Variants in QDPR observed in about 807,000 individuals in gnomAD.
QDPR encodes the protein quinoid dihydropteridine reductase, also known as dihydropteridine reductase.
Under a neutral mutation model 31.7 loss-of-function variants are expected in QDPR, and 23 were observed. That is an observed-to-expected ratio of 0.73 (90% CI 0.52 to 1.03). QDPR has a LOEUF of 1.03. Ranked by LOEUF, QDPR falls within the 50% of genes least tolerant of loss-of-function variation. QDPR has a pLI of 0.00. For synonymous variants in QDPR, 124 were observed against 124.7 expected (o/e 0.99, Z 0.03); for missense variants, 324 against 323.8 (o/e 1.00, Z 0.00).
intron 4 of QDPR, among the ~76,000 whole-genome samples, chr4:17,497,080 T>C (rs946265905): frequency 6.6e-6 from 1 of 152,074 alleles, no homozygotes; most frequent in Non-Finnish European, 1.5e-5. Context: ...AGTATGTGAA[T>C]GTGACATGGG....
At chr4:17,490,227 C>G (rs1718109407) in intron 6 of QDPR, 1 of 240,976 alleles carries the variant, frequency 4.1e-6, no homozygotes, top group Admixed American at 4.7e-5. Context: ...CCCCCTCCCC[C>G]ATGGAGTCTC....
chr4:17,499,449 C>G (rs1050071440), intron 4 of QDPR, among the ~76,000 whole-genome samples: 2 of 152,176 alleles, frequency 1.3e-5, no homozygotes, highest in African/African-American at 4.8e-5. Context: ...GCCTCTGTTC[C>G]GTGTCATCTT....
rs181042084 is a variant in QDPR at position 17,510,695 on chromosome 4, T to A, written c.105+1255A>T. Among the ~76,000 whole-genome samples, 4 of 152,312 alleles carry A rather than the reference T, an allele frequency of 2.6e-5. No individual in the cohort carries two copies. The East Asian group carries it at 7.7e-4, about 29-fold the overall frequency. ...CCAGGAGAAAGCACAGCCTTCACCCTCTAACACATGACGCTAACAGGATCT... is the reference window on the plus strand; with the variant it reads ...CCAGGAGAAAGCACAGCCTTCACCCACTAACACATGACGCTAACAGGATCT... On this transcript the variant is annotated intron_variant, in intron 1 of 6. Coordinates refer to ENST00000281243, the MANE Select transcript of QDPR (RefSeq NM_000320.3).
intron 3 of QDPR, among the ~76,000 whole-genome samples, chr4:17,503,886 G>T (rs1718657106): frequency 6.6e-6 from 1 of 152,018 alleles, no homozygotes; most frequent in Admixed American, 6.6e-5. Context: ...GGGAGGCAGA[G>T]GTTGCAGTGA....
intron 4 of QDPR, among the ~76,000 whole-genome samples, chr4:17,499,076 T>C (rs1331034323): frequency 6.6e-6 from 1 of 152,236 alleles, no homozygotes; most frequent in Non-Finnish European, 1.5e-5. Flanking sequence ...CACTTACTAT[T>C]GACTCTCTGT....
chr4:17,506,713 G>C (rs527492644), intron 2 of QDPR, among the ~76,000 whole-genome samples: 2 of 152,312 alleles, frequency 1.3e-5, no homozygotes, highest in South Asian at 4.1e-4. Flanking sequence ...AACTAACAAT[G>C]ATGCCATGTC....
intron 1 of QDPR, among the ~76,000 whole-genome samples, chr4:17,511,076 G>GT (rs149915677): frequency 0.023 from 3,481 of 151,774 alleles, 62 homozygotes; most frequent in Non-Finnish European, 0.037. Context: ...AAATTAGATA[G>GT]TTTTTTTTTA....
At chr4:17,505,316 G>A (rs927040618) in intron 2 of QDPR, among the ~76,000 whole-genome samples, 3 of 142,906 alleles carry the variant, frequency 2.1e-5, no homozygotes, top group South Asian at 2.2e-4. Context: ...GCGCCATCTC[G>A]GCTCACTGCA....
At chr4:17,511,605 G>C (rs1479008246) in intron 1 of QDPR, among the ~76,000 whole-genome samples, 1 of 152,126 alleles carries the variant, frequency 6.6e-6, no homozygotes, top group Admixed American at 6.5e-5. Flanking sequence ...GGACTGGGCT[G>C]TCTCATTCTA....
intron 1 of QDPR, 152 bp downstream of exon 1, chr4:17,511,798 G>T (rs1719019098): frequency 2.8e-6 from 2 of 719,718 alleles, no homozygotes; most frequent in Non-Finnish European, 4.4e-6. Flanking sequence ...AACAGGAATA[G>T]ACGCGTAGAC....
chr4:17,496,472 A>AAAAAAAAAAAAAAAAAAAG (rs1560310399), intron 4 of QDPR, among the ~76,000 whole-genome samples: 1 of 129,864 alleles, frequency 7.7e-6, no homozygotes, highest in Non-Finnish European at 1.7e-5. Context: ...AAAAAAAAAA[A>AAAAAAAAAAAAAAAAAAAG]GAACAAACTG....
chr4:17,488,801 A>G (rs1211573320), intron 6 of QDPR, among the ~76,000 whole-genome samples: 1 of 152,114 alleles, frequency 6.6e-6, no homozygotes, highest in Non-Finnish European at 1.5e-5. Flanking sequence ...TCAGGCCCCT[A>G]CTCTGGGGTT....
chr4:17,494,311 T>A (rs1279175530), intron 4 of QDPR, among the ~76,000 whole-genome samples: 2 of 152,136 alleles, frequency 1.3e-5, no homozygotes, highest in Non-Finnish European at 2.9e-5. Context: ...ACAACTTGCA[T>A]GGAATGCAGT....
At chr4:17,511,344 G>A (rs1292518538) in intron 1 of QDPR, among the ~76,000 whole-genome samples, 1 of 152,182 alleles carries the variant, frequency 6.6e-6, no homozygotes, top group African/African-American at 2.4e-5. Flanking sequence ...AGCCGTCAGC[G>A]TTTTTCCGTG....
At chr4:17,489,349 TC>T (rs1209664248) in intron 6 of QDPR, among the ~76,000 whole-genome samples, 1 of 152,218 alleles carries the variant, frequency 6.6e-6, no homozygotes, top group Non-Finnish European at 1.5e-5. Flanking sequence ...TCCCAGATGT[TC>T]CATCTAGAGT....
intron 4 of QDPR, among the ~76,000 whole-genome samples, chr4:17,498,625 C>A (rs892880627): frequency 2.0e-5 from 3 of 152,336 alleles, no homozygotes; most frequent in African/African-American, 4.8e-5. Flanking sequence ...CTAAGAAGGT[C>A]AACACTTCCA....
At position 17,487,208 on chromosome 4, in the gene QDPR, T is replaced by A; in HGVS notation, c.658A>T (p.Asn220Tyr). 1 of 1,614,146 alleles carries A rather than the reference T, an allele frequency of 6.2e-7. No homozygotes were observed. Among genetic ancestry groups the A allele is most frequent in the East Asian group, 2.2e-5 (1 of 44,874 alleles). The change falls in exon 7 of 7, where the codon AAC becomes TAC. Residue 220 changes from asparagine (N) to tyrosine (Y), a missense_variant. Transcript: ENST00000281243. ...ATTAGGCTTCCTGAGCTCGGTCGGT[T>A]TTTCCCTGTGATCCAGTCATGGAAA... ...ETFHDWITGK[N>Y]RPSSGSLIQV...
Position 17,490,433 on chromosome 4 carries a change from G to A in QDPR, c.629+229C>T, listed in dbSNP as rs532998690. On this transcript the variant is annotated intron_variant, in intron 6 of 6. Coordinates refer to ENST00000281243, the MANE Select transcript of QDPR (RefSeq NM_000320.3). ...TCAGCATGGCCGGTGGTGAGGGAGC[G>A]AGCCAGGATTCATGTCGGCACTACC... 16 of 519,828 alleles carry A rather than the reference G, an allele frequency of 3.1e-5. No individual in the cohort carries two copies. The East Asian group carries it at 4.8e-4, about 16-fold the overall frequency. The allele number at this position is 519,828 out of a possible 1,614,324, so 32.2% of individuals were successfully genotyped here. A position where few individuals can be genotyped will look rare whatever the true frequency, so the allele number is the denominator to read the frequency against.
At chr4:17,492,395 A>T in intron 4 of QDPR, 55 bp from the exon 5 acceptor site, 1 of 1,340,548 alleles carries the variant, frequency 7.5e-7, no homozygotes, top group Non-Finnish European at 1.1e-6. Flanking sequence ...GGGGACAGCA[A>T]GGACATGCAA....
Sources: gnomAD v4.1 joint callset for allele counts (sites outside exome capture counted in the v4.1 genomes callset) on GRCh38, gnomAD v4.1.1 for gene constraint, MANE v1.5 for transcripts, NCBI Gene and HGNC (gene_info 2026-07-23, HGNC 2026-07-21) for gene names.